Variants in FBXL7 observed in about 807,000 individuals in gnomAD.
FBXL7 encodes F-box and leucine rich repeat protein 7, also known as F-box/LRR-repeat protein 7.
A neutral mutation model predicts 38.3 loss-of-function variants in FBXL7; 12 were observed. The ratio of observed to expected loss-of-function variants is 0.31; its 90% confidence interval spans 0.20 to 0.51. The LOEUF (loss-of-function observed/expected upper bound fraction) is 0.51. Ranked by LOEUF, FBXL7 falls within the 20% of genes least tolerant of loss-of-function variation. The pLI is 0.98. For missense variants in FBXL7, 567 were observed against 676.4 expected, an observed-to-expected ratio of 0.84 and a Z score of 1.79; for synonymous variants, 297 against 300.9, an observed-to-expected ratio of 0.99 and a Z score of 0.13.
intron 1 of FBXL7, among the ~76,000 whole-genome samples, chr5:15,518,210 C>T (rs1224710708): frequency 3.3e-5 from 5 of 152,134 alleles, no homozygotes; most frequent in South Asian, 2.1e-4. Flanking sequence ...AGGCTAGTCT[C>T]GAACTCTTGA....
chr5:15,788,732 G>T (rs1737196132), intron 2 of FBXL7, among the ~76,000 whole-genome samples: 1 of 151,488 alleles, frequency 6.6e-6, no homozygotes, highest in South Asian at 2.1e-4. Flanking sequence ...TCTGTCACCA[G>T]ACTGGCAACA....
At chr5:15,505,378 T>G (rs1042644215) in intron 1 of FBXL7, among the ~76,000 whole-genome samples, 4 of 152,148 alleles carry the variant, frequency 2.6e-5, no homozygotes, top group African/African-American at 7.2e-5. Context: ...GCCAGCTCTA[T>G]CTAAGCCCAG....
intron 2 of FBXL7, among the ~76,000 whole-genome samples, chr5:15,781,382 A>G (rs1371796697): frequency 6.6e-6 from 1 of 151,960 alleles, no homozygotes; most frequent in African/African-American, 2.4e-5. Flanking sequence ...CACCCCCAAG[A>G]AAAAAAGGTC....
Position 15,616,090 on chromosome 5 carries a change from A to G in FBXL7, c.127+18A>G. 1.3e-6 allele frequency: 2 copies of G among 1,568,738 alleles called. No homozygotes were observed. The highest frequency in any genetic ancestry group is 2.2e-5 in the South Asian group (2 of 89,926). On this transcript the variant is annotated intron_variant, in intron 2 of 3. Transcript: ENST00000504595. The stretch of plus-strand genomic sequence containing the variant: ...CAGCGAAGGTAGGCAGCTGGTCTTC[A>G]TTATCTCTCTTTCTTCTTCACAGGG...
At chr5:15,882,868 A>T (rs1385932863) in intron 2 of FBXL7, among the ~76,000 whole-genome samples, 2 of 152,016 alleles carry the variant, frequency 1.3e-5, no homozygotes, top group African/African-American at 4.8e-5. Context: ...TACAGCTCGA[A>T]TGTCAGAGCT....
At chr5:15,777,968 A>T (rs1274275489) in intron 2 of FBXL7, among the ~76,000 whole-genome samples, 2 of 152,066 alleles carry the variant, frequency 1.3e-5, no homozygotes, top group South Asian at 2.1e-4. Flanking sequence ...TTTTTATATT[A>T]TCAAATTTGT....
chr5:15,587,022 C>T (rs917321122), intron 1 of FBXL7, among the ~76,000 whole-genome samples: 1 of 152,180 alleles, frequency 6.6e-6, no homozygotes, highest in Admixed American at 6.5e-5. Flanking sequence ...TGGCTTCTTT[C>T]ACCTCCCTGA....
At chr5:15,745,140 A>G (rs909829107) in intron 2 of FBXL7, among the ~76,000 whole-genome samples, 1 of 152,232 alleles carries the variant, frequency 6.6e-6, no homozygotes, top group Admixed American at 6.5e-5. Flanking sequence ...GCATTTCTCC[A>G]TAGTTAACTT....
At position 15,939,331 on chromosome 5, in the gene FBXL7, G is replaced by A. The variant is rs1042042828; in HGVS notation, c.*2145G>A. 2.8e-5 allele frequency: 9 copies of A among 320,738 alleles called. No homozygotes were observed. Among genetic ancestry groups the A allele is most frequent in the African/African-American group, 1.5e-4 (7 of 46,926 alleles). 19.9% of individuals were successfully genotyped at this position (320,738 alleles called of 1,614,324 possible). On this transcript the variant is annotated 3_prime_UTR_variant, in exon 4 of 4. Coordinates refer to ENST00000504595, the MANE Select transcript of FBXL7 (RefSeq NM_012304.5). ...AGTTTCAGGATTTGGGTGTCACAAA[G>A]GATTGTCCCTAATCCTTGGCCCTGG...
intron 2 of FBXL7, among the ~76,000 whole-genome samples, chr5:15,848,234 G>C (rs939859939): frequency 6.6e-6 from 1 of 151,900 alleles, no homozygotes; most frequent in Non-Finnish European, 1.5e-5. Context: ...TTCTTTCTGT[G>C]ATAATTTGGA....
chr5:15,538,302 T>A (rs1326892423), intron 1 of FBXL7, among the ~76,000 whole-genome samples: 1 of 152,202 alleles, frequency 6.6e-6, no homozygotes, highest in Non-Finnish European at 1.5e-5. Context: ...CATTTAATAC[T>A]GAGAACATGA....
intron 2 of FBXL7, among the ~76,000 whole-genome samples, chr5:15,674,427 CA>C (rs1332751424): frequency 1.3e-5 from 2 of 152,166 alleles, no homozygotes; most frequent in Admixed American, 1.3e-4. Context: ...GCACTGATAG[CA>C]ATGACCATAT....
At chr5:15,757,945 G>A (rs1443052020) in intron 2 of FBXL7, among the ~76,000 whole-genome samples, 2 of 152,088 alleles carry the variant, frequency 1.3e-5, no homozygotes, top group African/African-American at 4.8e-5. Flanking sequence ...GAGCCCAAAT[G>A]GTTCCCTTCT....
chr5:15,766,047 C>T (rs371719914), intron 2 of FBXL7, among the ~76,000 whole-genome samples: 54 of 97,814 alleles, frequency 5.5e-4, no homozygotes, highest in African/African-American at 1.8e-3. Flanking sequence ...TGTCTATCTA[C>T]CTACCTACCT....
chr5:15,917,694 G>A (rs139391938), intron 2 of FBXL7, among the ~76,000 whole-genome samples: 137 of 140,468 alleles, frequency 9.8e-4, no homozygotes, highest in South Asian at 3.1e-3. Flanking sequence ...AGGAAGGAAG[G>A]AAGAAAGAAA....
intron 1 of FBXL7, among the ~76,000 whole-genome samples, chr5:15,571,092 TAAAAAAAAAAAAAA>T (rs397996852): frequency 1.5e-5 from 2 of 129,300 alleles, no homozygotes; most frequent in African/African-American, 5.7e-5. Flanking sequence ...ATTCTGTCTT[TAAAAAAAAAAAAAA>T]AAAAGAAAAA....
chr5:15,831,690 C>T (rs1351894750), intron 2 of FBXL7, among the ~76,000 whole-genome samples: 1 of 152,100 alleles, frequency 6.6e-6, no homozygotes, highest in African/African-American at 2.4e-5. Flanking sequence ...CTCCAGGCTG[C>T]TCTCATGGAG....
Position 15,777,720 on chromosome 5 carries a change from T to TAAAAAA in FBXL7, c.128-150149_128-150144dup, listed in dbSNP as rs371293320. ...TATTGTTTGCAAACCCCTATTCTGG[T>TAAAAAA]AAAAAAAAAAAAAAAAAAAAAAAAA... is the stretch of plus-strand genomic sequence containing the variant. On this transcript the variant is annotated intron_variant, in intron 2 of 3. Coordinates refer to ENST00000504595, the MANE Select transcript of FBXL7 (RefSeq NM_012304.5). 6.7e-4 allele frequency among the ~76,000 whole-genome samples: 55 copies of TAAAAAA among 82,518 alleles called. 2 individuals carry two copies. Among genetic ancestry groups the TAAAAAA allele is most frequent in the African/African-American group, 2.3e-3 (41 of 17,722 alleles). 54.1% of individuals were successfully genotyped at this position (82,518 alleles called of 152,430 possible).
At chr5:15,743,812 G>A (rs1482215018) in intron 2 of FBXL7, among the ~76,000 whole-genome samples, 1 of 152,232 alleles carries the variant, frequency 6.6e-6, no homozygotes, top group Non-Finnish European at 1.5e-5. Context: ...TTGAAATCTA[G>A]GCAGAAGTTC....
Sources: gnomAD v4.1 joint callset for allele counts (sites outside exome capture counted in the v4.1 genomes callset) on GRCh38, gnomAD v4.1.1 for gene constraint, MANE v1.5 for transcripts, NCBI Gene and HGNC (gene_info 2026-07-23, HGNC 2026-07-21) for gene names.